The following PTPA variants were observed in gnomAD, a reference collection of about 807,000 sequenced individuals.
The protein encoded by PTPA is protein phosphatase 2 phosphatase activator.
PTPA carries 13 observed loss-of-function variants against 43.6 expected under a neutral mutation model. That is an observed-to-expected ratio of 0.30 (90% CI 0.19 to 0.47). The LOEUF (loss-of-function observed/expected upper bound fraction) is 0.47. PTPA is among the 20% of genes least tolerant of loss of function. PTPA has a pLI of 0.99. For missense variants in PTPA, 329 were observed against 411.9 expected, an observed-to-expected ratio of 0.80 and a Z score of 1.74; for synonymous variants, 172 against 158.2, an observed-to-expected ratio of 1.09 and a Z score of -0.66.
chr9:129,137,490 C>T (rs543795190), intron 7 of PTPA, 102 bp from the exon 8 acceptor site: 113 of 829,214 alleles, frequency 1.4e-4, no homozygotes, highest in Non-Finnish European at 2.0e-4. Flanking sequence ...GAGGGCACCA[C>T]GGGCAGGACT....
At chr9:129,129,721 G>A (rs1206856206) in intron 4 of PTPA, among the ~76,000 whole-genome samples, 1 of 152,062 alleles carries the variant, frequency 6.6e-6, no homozygotes, top group African/African-American at 2.4e-5. Flanking sequence ...CGCCCATCTC[G>A]GCCTCCCAAA....
intron 8 of PTPA, chr9:129,139,659 C>G (rs1295698887): frequency 6.6e-6 from 1 of 152,238 alleles, no homozygotes; most frequent in Non-Finnish European, 1.5e-5. Context: ...GGTGAGTGGC[C>G]TGGCCTAGCT....
At chr9:129,124,139 T>C (rs1044782413) in intron 3 of PTPA, among the ~76,000 whole-genome samples, 10 of 152,214 alleles carry the variant, frequency 6.6e-5, no homozygotes, top group Non-Finnish European at 1.3e-4. Flanking sequence ...CTCCTGACAG[T>C]GGTCACCCAG....
intron 1 of PTPA, among the ~76,000 whole-genome samples, chr9:129,112,832 T>G (rs1176597138): frequency 6.6e-6 from 1 of 151,736 alleles, no homozygotes; most frequent in African/African-American, 2.4e-5. Context: ...TCCCAACTAC[T>G]AGGGAGGATG....
intron 1 of PTPA, among the ~76,000 whole-genome samples, chr9:129,114,182 G>C (rs1017855305): frequency 6.6e-6 from 1 of 152,096 alleles, no homozygotes; most frequent in Non-Finnish European, 1.5e-5. Context: ...CCACTGTGCC[G>C]GGCTAATTTT....
intron 1 of PTPA, among the ~76,000 whole-genome samples, chr9:129,112,302 G>C (rs553237142): frequency 2.6e-5 from 4 of 152,244 alleles, no homozygotes; most frequent in African/African-American, 9.6e-5. Flanking sequence ...GAGGTGCTAC[G>C]GAAGGATCTT....
rs969990543 is a variant in PTPA at position 129,111,503 on chromosome 9, C to G, written c.-98C>G. 2.4e-6 allele frequency: 3 copies of G among 1,268,060 alleles called. No individual in the cohort carries two copies. In the East Asian group the frequency reaches 9.4e-5, roughly 40 times the overall value. 78.6% of individuals were successfully genotyped at this position (1,268,060 alleles called of 1,614,324 possible). A position where few individuals can be genotyped will look rare whatever the true frequency, so the allele number is the denominator to read the frequency against. ...GGCGCTCACTTGTCTTCAGGAAGCT[C>G]GGAGCCTTTGGTGGAGCCGGGGAGA... is the stretch of plus-strand genomic sequence containing the variant. On this transcript the variant is annotated 5_prime_UTR_variant, in exon 1 of 10. Coordinates refer to ENST00000393370, the MANE Select transcript of PTPA (RefSeq NM_178000.3).
intron 9 of PTPA, chr9:129,143,379 G>A (rs1851041751): frequency 1.4e-6 from 1 of 703,080 alleles, no homozygotes; most frequent in Non-Finnish European, 2.6e-6. Context: ...TCTCAGGCTG[G>A]CCCTTGTGAC....
At chr9:129,134,717 A>G in intron 5 of PTPA, 78 bp from the exon 6 acceptor site, 1 of 1,188,618 alleles carries the variant, frequency 8.4e-7, no homozygotes, top group Non-Finnish European at 1.2e-6. Flanking sequence ...CTTATCAATG[A>G]TTCGGATTCT....
At chr9:129,147,303 C>A in intron 9 of PTPA, 84 bp from the exon 10 acceptor site, 1 of 1,406,438 alleles carries the variant, frequency 7.1e-7, no homozygotes, top group Non-Finnish European at 1.0e-6. Flanking sequence ...GGGATGGACA[C>A]CTGGGAGCTG....
chr9:129,130,410 C>CT (rs11372763), intron 4 of PTPA, among the ~76,000 whole-genome samples: 42,424 of 141,648 alleles, frequency 0.3, 6,284 homozygotes, highest in Admixed American at 0.35. Flanking sequence ...GGTACATGAT[C>CT]TTTTTTTTTT....
intron 5 of PTPA, 76 bp downstream of exon 5, chr9:129,131,715 C>A: frequency 7.1e-7 from 1 of 1,400,128 alleles, no homozygotes; most frequent in Admixed American, 1.7e-5. Flanking sequence ...GGTCTCTGGG[C>A]CCTCTGAGCA....
chr9:129,125,535 G>T (rs1055641536), intron 3 of PTPA, among the ~76,000 whole-genome samples: 2 of 152,110 alleles, frequency 1.3e-5, no homozygotes, highest in South Asian at 4.1e-4. Context: ...GAGCTGCTGC[G>T]CCCGGCCCAG....
intron 9 of PTPA, chr9:129,143,066 G>A (rs948809496): frequency 8.2e-6 from 6 of 734,418 alleles, no homozygotes; most frequent in African/African-American, 7.1e-5. Flanking sequence ...TGATGCAAAT[G>A]GTTTTCCCTG....
intron 8 of PTPA, chr9:129,139,351 G>C (rs1220157585): frequency 1.3e-5 from 2 of 152,292 alleles, no homozygotes; most frequent in Non-Finnish European, 2.9e-5. Flanking sequence ...TGAACTTGGA[G>C]AGGGTTTGGT....
chr9:129,119,905 C>T (rs903034680), intron 1 of PTPA, among the ~76,000 whole-genome samples: 1 of 152,104 alleles, frequency 6.6e-6, no homozygotes, highest in Non-Finnish European at 1.5e-5. Flanking sequence ...AGCCCTTACT[C>T]TGTCCTGGAA....
In PTPA at chr9:129,142,100, C is replaced by G. The variant is rs949137683; in HGVS notation, c.787-345C>G. 2.6e-4 allele frequency: 60 copies of G among 226,664 alleles called. 1 individual carries two copies. The Admixed American group carries it at 3.3e-3, about 13-fold the overall frequency. The allele number at this position is 226,664 out of a possible 1,614,324, so 14.0% of individuals were successfully genotyped here. ...AAGCTCAGGTGGAGATCTTATCTTC[C>G]TGAGGCTGCTGGATTTGGTGGGCGA... On this transcript the variant is annotated intron_variant, in intron 8 of 9. Transcript: ENST00000393370.
At chr9:129,129,829 G>C (rs1394605035) in intron 4 of PTPA, among the ~76,000 whole-genome samples, 3 of 152,104 alleles carry the variant, frequency 2.0e-5, no homozygotes, top group Admixed American at 2.0e-4. Flanking sequence ...CTCAGAATTC[G>C]GGGAGGTTAA....
chr9:129,119,619 A>C (rs1381699765), intron 1 of PTPA: 1 of 151,038 alleles, frequency 6.6e-6, no homozygotes, highest in Non-Finnish European at 1.5e-5. Flanking sequence ...CATGTTAGCC[A>C]GGATGGTCTC....
Sources: allele counts gnomAD v4.1 joint callset (sites outside exome capture counted in the v4.1 genomes callset), GRCh38; gene constraint gnomAD v4.1.1; transcripts MANE v1.5; gene names NCBI Gene and HGNC (gene_info 2026-07-23, HGNC 2026-07-21).